PID1: variants seen among roughly 807,000 people sequenced by gnomAD.
PID1 encodes PTB-containing, cubilin and LRP1-interacting protein.
PID1 carries 10 observed loss-of-function variants against 19.1 expected under a neutral mutation model. The ratio of observed to expected loss-of-function variants is 0.52; its 90% confidence interval spans 0.32 to 0.89. The LOEUF (loss-of-function observed/expected upper bound fraction) is 0.89. Among genes scored for constraint, PID1 ranks in the 40% least tolerant of loss-of-function variants. The probability of loss-of-function intolerance (pLI) is 0.03; values close to 1 mark genes in which losing one functional copy is unlikely to be tolerated. For missense variants in PID1, 248 were observed against 285.3 expected (o/e 0.87, Z 0.94); for synonymous variants, 130 against 116.0 (o/e 1.12, Z -0.78).
intron 1 of PID1, among the ~76,000 whole-genome samples, chr2:229,252,053 TTG>T (rs747497336): frequency 2.6e-5 from 4 of 151,668 alleles, no homozygotes; most frequent in African/African-American, 4.9e-5. Context: ...TCCAATTCAT[TTG>T]TGTCTTCCAG....
chr2:229,078,783 G>A (rs964383650), intron 2 of PID1, among the ~76,000 whole-genome samples: 9 of 151,778 alleles, frequency 5.9e-5, no homozygotes, highest in African/African-American at 1.9e-4. Flanking sequence ...CTCCTGCTCC[G>A]CCATATTTCC....
At chr2:229,034,928 G>A (rs1693630234) in intron 2 of PID1, among the ~76,000 whole-genome samples, 1 of 152,094 alleles carries the variant, frequency 6.6e-6, no homozygotes, top group Admixed American at 6.5e-5. Context: ...CCACTGAGAA[G>A]TCAGTGGCAG....
chr2:229,241,858 C>T (rs371941140), intron 1 of PID1, among the ~76,000 whole-genome samples: 1 of 152,208 alleles, frequency 6.6e-6, no homozygotes, highest in East Asian at 1.9e-4. Flanking sequence ...TAATACAGAA[C>T]TGTCTTGCTC....
intron 1 of PID1, among the ~76,000 whole-genome samples, chr2:229,229,473 A>C (rs943203612): frequency 7.5e-5 from 8 of 106,158 alleles, no homozygotes; most frequent in Admixed American, 4.1e-4. Flanking sequence ...TCTCTACAAA[A>C]AAATATATGA....
intron 2 of PID1, among the ~76,000 whole-genome samples, chr2:229,116,756 T>G (rs1441513632): frequency 1.3e-5 from 2 of 152,290 alleles, no homozygotes; most frequent in East Asian, 1.9e-4. Context: ...CAGTCTTGGG[T>G]ATGTCTTTAT....
At chr2:229,117,207 A>G (rs1222079032) in intron 2 of PID1, among the ~76,000 whole-genome samples, 1 of 151,978 alleles carries the variant, frequency 6.6e-6, no homozygotes. Flanking sequence ...TTGTACCACA[A>G]CCCTCCAAAC....
intron 1 of PID1, among the ~76,000 whole-genome samples, chr2:229,191,343 G>A (rs1691256673): frequency 6.6e-6 from 1 of 152,146 alleles, no homozygotes; most frequent in African/African-American, 2.4e-5. Context: ...CCAGTGCTCT[G>A]GAAAGAGGGA....
chr2:229,139,049 GAAAGAAAGAGAAAGAAAGAA>G (rs1689934424), intron 2 of PID1, among the ~76,000 whole-genome samples: 1 of 65,740 alleles, frequency 1.5e-5, no homozygotes, highest in Non-Finnish European at 3.3e-5. Context: ...GAGAAAGAAA[GAAAGAAAGAGAAAGAAAGAA>G]AGAAAGAAAG....
intron 2 of PID1, among the ~76,000 whole-genome samples, chr2:229,048,388 A>G (rs576990116): frequency 1.4e-4 from 21 of 152,156 alleles, no homozygotes; most frequent in Non-Finnish European, 2.5e-4. Flanking sequence ...AGGAGGAGGG[A>G]ATCCTCTGGA....
intron 2 of PID1, among the ~76,000 whole-genome samples, chr2:229,057,070 T>C (rs372785347): frequency 6.6e-6 from 1 of 152,092 alleles, no homozygotes; most frequent in East Asian, 1.9e-4. Flanking sequence ...TCAAGACGTG[T>C]TGAATATCAC....
intron 1 of PID1, among the ~76,000 whole-genome samples, chr2:229,174,723 GA>G (rs11295094): frequency 0.96 from 125,196 of 130,084 alleles, 60,230 homozygotes; most frequent in South Asian, 0.99. Context: ...AATGCATGAA[GA>G]AAAAAAAAAA....
intron 2 of PID1, among the ~76,000 whole-genome samples, chr2:229,141,623 A>C (rs1021464730): frequency 2.7e-5 from 4 of 148,358 alleles, no homozygotes. Flanking sequence ...CTTAAAGAGA[A>C]TGCATTCATC....
chr2:229,118,096 G>T (rs538978908), intron 2 of PID1, among the ~76,000 whole-genome samples: 2 of 152,246 alleles, frequency 1.3e-5, no homozygotes, highest in South Asian at 4.1e-4. Context: ...CACATAGTAA[G>T]TACTCAATAA....
chr2:229,223,878 C>T (rs1055833358), intron 1 of PID1, among the ~76,000 whole-genome samples: 22 of 152,192 alleles, frequency 1.4e-4, no homozygotes, highest in Non-Finnish European at 2.9e-4. Context: ...GGACACATCG[C>T]CCAAATAGTG....
At chr2:229,078,455 G>C (rs1041760746) in intron 2 of PID1, among the ~76,000 whole-genome samples, 3 of 152,342 alleles carry the variant, frequency 2.0e-5, no homozygotes, top group South Asian at 2.1e-4. Context: ...TAGTGAGACA[G>C]AGCATCCTCA....
intron 1 of PID1, among the ~76,000 whole-genome samples, chr2:229,263,334 T>C (rs1346470191): frequency 1.3e-5 from 2 of 152,234 alleles, no homozygotes; most frequent in African/African-American, 2.4e-5. Flanking sequence ...AATCACAATA[T>C]GGCTGCTGCA....
chr2:229,124,912 T>G (rs1330732014), intron 2 of PID1, among the ~76,000 whole-genome samples: 1 of 152,190 alleles, frequency 6.6e-6, no homozygotes, highest in Admixed American at 6.5e-5. Flanking sequence ...ATTCTAAAAC[T>G]GTCCCGAATT....
chr2:229,047,960 G>T (rs764470), intron 2 of PID1, among the ~76,000 whole-genome samples: 79,453 of 152,034 alleles, frequency 0.52, 21,523 homozygotes, highest in East Asian at 0.67. Flanking sequence ...AGGAGAGTCT[G>T]CATAGTAAGA....
intron 1 of PID1, among the ~76,000 whole-genome samples, chr2:229,169,747 C>G (rs762802993): frequency 6.6e-6 from 1 of 152,132 alleles, no homozygotes; most frequent in African/African-American, 2.4e-5. Context: ...TATATTAACC[C>G]TATCCTCCCT....
Sources: allele counts gnomAD v4.1 joint callset (sites outside exome capture counted in the v4.1 genomes callset), GRCh38; gene constraint gnomAD v4.1.1; transcripts MANE v1.5; gene names NCBI Gene and HGNC (gene_info 2026-07-23, HGNC 2026-07-21).